Variants in MYO16 observed in about 807,000 individuals in gnomAD.
MYO16 encodes the protein myosin XVI.
Under a neutral mutation model 205.3 loss-of-function variants are expected in MYO16, and 94 were observed. The ratio of observed to expected loss-of-function variants is 0.46; its 90% CI spans 0.39 to 0.54. The LOEUF (loss-of-function observed/expected upper bound fraction) is 0.54. Ranked by LOEUF, MYO16 falls within the 20% of genes least tolerant of loss-of-function variation. MYO16 has a pLI of 0.00. For synonymous variants in MYO16, 988 were observed against 954.0 expected (o/e 1.04, Z -0.66); for missense variants, 2,315 against 2,387.5 (o/e 0.97, Z 0.63).
rs542013857 is a variant in MYO16 at position 108,854,849 on chromosome 13, G to C, written c.1249-594G>C. On this transcript the variant is annotated intron_variant, in intron 10 of 34. Transcript: ENST00000457511. The stretch of plus-strand genomic sequence containing the variant: ...TTAAACATTCATGGCATATTAAATT[G>C]AATAGGAAAGTATTTTTTCTTTATG... 5.3e-5 allele frequency among the ~76,000 whole-genome samples: 8 copies of C among 152,186 alleles called. No individual in the cohort carries two copies. In the South Asian group the frequency reaches 8.3e-4, roughly 16 times the overall value.
chr13:108,947,810 T>G (rs1438975848), intron 16 of MYO16, among the ~76,000 whole-genome samples: 1 of 152,272 alleles, frequency 6.6e-6, no homozygotes, highest in South Asian at 2.1e-4. Context: ...TTTCAACTGA[T>G]TAGAAAAATA....
intron 4 of MYO16, among the ~76,000 whole-genome samples, chr13:108,747,718 C>T (rs1043012801): frequency 6.6e-6 from 1 of 151,954 alleles, no homozygotes; most frequent in African/African-American, 2.4e-5. Context: ...CTAAACACAC[C>T]AATTAAAAGA....
the MYO16 span, among the ~76,000 whole-genome samples, chr13:108,532,370 G>A: frequency 6.6e-6 from 1 of 151,790 alleles, no homozygotes; most frequent in Non-Finnish European, 1.5e-5. Flanking sequence ...TATCTTCAAA[G>A]GAGCTGTTTG....
chr13:108,933,629 A>G (rs1336912716), intron 16 of MYO16, among the ~76,000 whole-genome samples: 1 of 151,972 alleles, frequency 6.6e-6, no homozygotes, highest in South Asian at 2.1e-4. Flanking sequence ...TTTGTGGAGT[A>G]CCTGTGCAGG....
chr13:109,012,997 G>C (rs1171553855), intron 22 of MYO16, among the ~76,000 whole-genome samples: 3 of 150,758 alleles, frequency 2.0e-5, no homozygotes, highest in Non-Finnish European at 4.4e-5. Context: ...TAAGTTCTAG[G>C]GTACATGTGC....
intron 4 of MYO16, among the ~76,000 whole-genome samples, chr13:108,739,569 A>G (rs1468894239): frequency 5.3e-5 from 8 of 151,764 alleles, no homozygotes; most frequent in Non-Finnish European, 1.0e-4. Context: ...TGCCCTTAAC[A>G]TTTTCCCTTC....
chr13:108,679,045 C>T (rs1882346484), intron 2 of MYO16, among the ~76,000 whole-genome samples: 1 of 152,162 alleles, frequency 6.6e-6, no homozygotes, highest in Non-Finnish European at 1.5e-5. Flanking sequence ...GCAATCTACC[C>T]ACAGAAAACC....
chr13:108,772,837 AAAGG>A (rs1232622848), intron 4 of MYO16, among the ~76,000 whole-genome samples: 1 of 152,196 alleles, frequency 6.6e-6, no homozygotes, highest in Non-Finnish European at 1.5e-5. Context: ...ATAAAAAAGA[AAAGG>A]GAGGAGGAGA....
rs777127453 is a variant in MYO16, at chr13:108,910,051, C to T, written c.1826C>T (p.Pro609Leu). 1 of 1,613,500 alleles carries T rather than the reference C, an allele frequency of 6.2e-7. No individual in the cohort carries two copies. The highest frequency in any genetic ancestry group is 2.2e-5 in the East Asian group (1 of 44,820). Residue 609 changes from proline to leucine, a missense_variant, in exon 16 of 35, where the codon CCT (proline) becomes CTT (leucine). This residue lies in a region of MYO16 where 1,213 missense variants were observed against 1,274.4 expected (regional missense o/e 0.95). Coordinates refer to ENST00000457511, the MANE Select transcript of MYO16 (RefSeq NM_001198950.3). ...LLEKSRLVSQ[P>L]LGQSNFLIFY... The stretch of plus-strand genomic sequence containing the variant: ...GAGAAATCCAGACTTGTTTCACAAC[C>T]TCTTGGCCAGAGCAATTTTCTCATT...
At chr13:109,089,464 C>T (rs1888552391) in intron 27 of MYO16, among the ~76,000 whole-genome samples, 1 of 152,150 alleles carries the variant, frequency 6.6e-6, no homozygotes, top group Admixed American at 6.5e-5. Flanking sequence ...ATCCACCCGC[C>T]TCAGCCTCCC....
chr13:108,990,023 C>T (rs914907388), intron 20 of MYO16, among the ~76,000 whole-genome samples: 3 of 151,944 alleles, frequency 2.0e-5, no homozygotes, highest in Non-Finnish European at 2.9e-5. Flanking sequence ...ATTTAAGTAA[C>T]TTGTCTAAAG....
intron 4 of MYO16, among the ~76,000 whole-genome samples, chr13:108,781,868 C>G (rs1377582976): frequency 6.6e-6 from 1 of 152,160 alleles, no homozygotes; most frequent in Non-Finnish European, 1.5e-5. Context: ...CTCATTTTCT[C>G]TTACCACTGC....
chr13:108,838,742 C>CTATATA (rs1206807476), intron 9 of MYO16, among the ~76,000 whole-genome samples: 1 of 105,488 alleles, frequency 9.5e-6, no homozygotes, highest in African/African-American at 3.9e-5. Flanking sequence ...TATATATACA[C>CTATATA]TATATATATA....
intron 3 of MYO16, among the ~76,000 whole-genome samples, chr13:108,714,612 G>GTA (rs920115318): frequency 2.3e-3 from 325 of 140,924 alleles, no homozygotes; most frequent in East Asian, 0.018. Flanking sequence ...GTGTGTGTGT[G>GTA]TATATATATA....
At chr13:108,976,467 G>A (rs1884261426) in intron 20 of MYO16, among the ~76,000 whole-genome samples, 1 of 152,068 alleles carries the variant, frequency 6.6e-6, no homozygotes, top group Admixed American at 6.6e-5. Flanking sequence ...CACTTTCCTT[G>A]TATCAGTTAT....
At chr13:108,731,990 C>T (rs1418838635) in intron 4 of MYO16, among the ~76,000 whole-genome samples, 1 of 152,144 alleles carries the variant, frequency 6.6e-6, no homozygotes, top group Non-Finnish European at 1.5e-5. Flanking sequence ...GTGTTATAGC[C>T]AGCCTAAGTA....
At chr13:109,066,081 T>C (rs966066519) in intron 27 of MYO16, among the ~76,000 whole-genome samples, 1 of 152,120 alleles carries the variant, frequency 6.6e-6, no homozygotes, top group Non-Finnish European at 1.5e-5. Context: ...CTGAAAAGCC[T>C]CACTATGAAA....
chr13:108,671,184 GAA>G (rs1449446057), intron 2 of MYO16, among the ~76,000 whole-genome samples: 1 of 152,168 alleles, frequency 6.6e-6, no homozygotes, highest in Non-Finnish European at 1.5e-5. Flanking sequence ...GGACTGGATA[GAA>G]AAGTCTCACA....
chr13:108,862,929 C>T (rs750205012), intron 11 of MYO16, among the ~76,000 whole-genome samples: 36 of 151,832 alleles, frequency 2.4e-4, no homozygotes, highest in Non-Finnish European at 4.6e-4. Context: ...TGCTTATTGG[C>T]GTTCTTCATA....
Sources: gnomAD v4.1 joint callset for allele counts (sites outside exome capture counted in the v4.1 genomes callset) on GRCh38, gnomAD v4.1.1 for gene constraint, gnomAD v4.1.1 regional missense constraint, MANE v1.5 for transcripts, NCBI Gene and HGNC (gene_info 2026-07-23, HGNC 2026-07-21) for gene names.